CMIP: variants seen among roughly 807,000 people sequenced by gnomAD.
The protein encoded by CMIP is C-Maf-inducing protein.
In CMIP, 13 loss-of-function variants were observed where a neutral mutation model predicts 97.3. The observed-to-expected ratio is 0.13, with a 90% CI of 0.09 to 0.21. CMIP has a LOEUF of 0.21. Ranked by LOEUF, CMIP falls within the 10% of genes least tolerant of loss-of-function variation. The probability of loss-of-function intolerance (pLI) is 1.00; values close to 1 mark genes in which losing one functional copy is unlikely to be tolerated. For missense variants in CMIP, 847 were observed against 1,024.9 expected, an observed-to-expected ratio of 0.83 and a Z score of 2.37; for synonymous variants, 538 against 436.3, an observed-to-expected ratio of 1.23 and a Z score of -2.91.
At chr16:81,495,039 T>C (rs551233379) in intron 1 of CMIP, among the ~76,000 whole-genome samples, 23 of 152,238 alleles carry the variant, frequency 1.5e-4, no homozygotes, top group African/African-American at 5.1e-4. Context: ...AACCTTACAC[T>C]TGGGGACTGT....
Position 81,602,251 on chromosome 16 carries a change from A to G in CMIP, c.301-5316A>G, listed in dbSNP as rs181941179. Reference sequence around the variant, plus strand: ...GACATCTATGTGCGATAATGTGGGGAAAAAAAAGGCGTTACAAAATTCTTT... The same window carrying G: ...GACATCTATGTGCGATAATGTGGGGGAAAAAAAGGCGTTACAAAATTCTTT... On this transcript the variant is annotated intron_variant, in intron 1 of 20. Coordinates refer to ENST00000537098, the MANE Select transcript of CMIP (RefSeq NM_198390.3). Among the ~76,000 whole-genome samples the G allele has an allele frequency of 3.2e-3, 452 of 142,752 alleles. 1 individual carries two copies. The highest frequency in any genetic ancestry group is 0.013 in the African/African-American group (427 of 33,138). 93.7% of individuals were successfully genotyped at this position (142,752 alleles called of 152,430 possible). A position where few individuals can be genotyped will look rare whatever the true frequency, so the allele number is the denominator to read the frequency against.
At chr16:81,515,498 A>G (rs11861470) in intron 1 of CMIP, among the ~76,000 whole-genome samples, 30,119 of 152,042 alleles carry the variant, frequency 0.2, 3,669 homozygotes, top group Admixed American at 0.32. Flanking sequence ...TTGATTTACT[A>G]TTGAGTGCTT....
At chr16:81,603,219 A>G (rs2091686493) in intron 1 of CMIP, among the ~76,000 whole-genome samples, 1 of 152,090 alleles carries the variant, frequency 6.6e-6, no homozygotes, top group African/African-American at 2.4e-5. Context: ...AGCTGGGACT[A>G]CAGGCACCCG....
At chr16:81,601,292 A>C (rs2091653001) in intron 1 of CMIP, among the ~76,000 whole-genome samples, 1 of 152,144 alleles carries the variant, frequency 6.6e-6, no homozygotes, top group Middle Eastern at 3.2e-3. Context: ...ATTCACTTTG[A>C]GAGGAATCCC....
intron 3 of CMIP, chr16:81,630,911 T>G (rs1287606908): frequency 6.6e-6 from 1 of 152,124 alleles, no homozygotes; most frequent in African/African-American, 2.4e-5. Flanking sequence ...AGCTGGTGAG[T>G]CCAGCCTGGC....
chr16:81,644,745 C>A (rs1346569491), intron 3 of CMIP, among the ~76,000 whole-genome samples: 1 of 152,186 alleles, frequency 6.6e-6, no homozygotes, highest in African/African-American at 2.4e-5. Flanking sequence ...CAGCCATTGT[C>A]CCCGGGTGTG....
intron 1 of CMIP, among the ~76,000 whole-genome samples, chr16:81,546,538 T>G (rs967761020): frequency 1.3e-5 from 2 of 152,290 alleles, no homozygotes; most frequent in African/African-American, 4.8e-5. Flanking sequence ...TAACTAATAG[T>G]TACTGAGGGT....
chr16:81,687,379 C>T (rs1318840543), intron 10 of CMIP, among the ~76,000 whole-genome samples: 1 of 152,186 alleles, frequency 6.6e-6, no homozygotes, highest in Admixed American at 6.5e-5. Context: ...TTATGTGTCA[C>T]GGTTTTAAGC....
In CMIP at chr16:81,614,230, C is replaced by CT. The variant is rs2091876715; in HGVS notation, c.426+6539dup. Among the ~76,000 whole-genome samples, 1 of 152,198 alleles carries CT rather than the reference C, an allele frequency of 6.6e-6. No homozygotes were observed. The highest frequency in any genetic ancestry group is 2.4e-5 in the African/African-American group (1 of 41,440). ...GAGTACACGCTGCATGGAAGCCAGT[C>CT]TGAGAGCAGGGCAGGCCAGGTGCTG... On this transcript the variant is annotated intron_variant, in intron 2 of 20. Coordinates refer to ENST00000537098, the MANE Select transcript of CMIP (RefSeq NM_198390.3). This position sits in a 1 kb window ranked among gnomAD's most constrained non-coding sequence, Gnocchi z 5.3.
rs2092440737 is a variant in CMIP, at chr16:81,652,591, A to G, written c.639+227A>G. ...TGTCTGGGGATTGTAGGCACCGAAGAGGAGGTGTTGCCCCGTGCAGTGAGA... is the reference window on the plus strand; with the variant it reads ...TGTCTGGGGATTGTAGGCACCGAAGGGGAGGTGTTGCCCCGTGCAGTGAGA... On this transcript the variant is annotated intron_variant, in intron 4 of 20. Coordinates refer to ENST00000537098, the MANE Select transcript of CMIP (RefSeq NM_198390.3). This position sits in a 1 kb window ranked among gnomAD's most constrained non-coding sequence, Gnocchi z 5.2. 6.6e-6 allele frequency among the ~76,000 whole-genome samples: 1 copy of G among 152,132 alleles called. No individual in the cohort carries two copies. The highest frequency in any genetic ancestry group is 1.5e-5 in the Non-Finnish European group (1 of 68,022).
In CMIP at chr16:81,576,130, G is replaced by A. The variant is rs189305340; in HGVS notation, c.301-31437G>A. 3.9e-3 allele frequency among the ~76,000 whole-genome samples: 588 copies of A among 152,242 alleles called. 4 individuals carry two copies. The highest frequency in any genetic ancestry group is 6.8e-3 in the Non-Finnish European group (460 of 68,020). ...AAGCAAGAAAAGAATGCGTCTAGGC[G>A]CAGTGGCTCACTCCTGTAAACCCAG... On this transcript the variant is annotated intron_variant, in intron 1 of 20. Transcript: ENST00000537098.
At chr16:81,568,938 A>G (rs1271311964) in intron 1 of CMIP, among the ~76,000 whole-genome samples, 2 of 152,228 alleles carry the variant, frequency 1.3e-5, no homozygotes, top group African/African-American at 2.4e-5. Context: ...CAAGGGGAAA[A>G]GGTGCAAAGA....
chr16:81,547,973 G>A (rs2090580398), intron 1 of CMIP, among the ~76,000 whole-genome samples: 2 of 152,156 alleles, frequency 1.3e-5, no homozygotes, highest in Admixed American at 1.3e-4. Flanking sequence ...CTCCTCTGCA[G>A]CACGCCGGCA....
rs557744467 is a variant in CMIP at position 81,528,419 on chromosome 16, G to C, written c.301-79148G>C. Among the ~76,000 whole-genome samples the C allele has an allele frequency of 1.4e-3, 210 of 152,290 alleles. 1 individual carries two copies. The highest frequency in any genetic ancestry group is 2.0e-3 in the Non-Finnish European group (136 of 68,022). On this transcript the variant is annotated intron_variant, in intron 1 of 20. Transcript: ENST00000537098. Reference sequence around the variant, plus strand: ...GTAGCCAGAGACAGGGGCCCGGAGTGAGGTTGGGAGTACCTTGAAGCTGTG... The same window carrying C: ...GTAGCCAGAGACAGGGGCCCGGAGTCAGGTTGGGAGTACCTTGAAGCTGTG...
intron 1 of CMIP, among the ~76,000 whole-genome samples, chr16:81,511,879 C>A (rs2089817536): frequency 1.3e-5 from 2 of 152,124 alleles, no homozygotes; most frequent in Admixed American, 1.3e-4. Context: ...AGTTTTAGAC[C>A]TGTGCTGTCC....
At position 81,445,972 on chromosome 16, in the gene CMIP, A is replaced by C. The variant is rs146619240; in HGVS notation, c.300+431A>C. On this transcript the variant is annotated intron_variant, in intron 1 of 20. Coordinates refer to ENST00000537098, the MANE Select transcript of CMIP (RefSeq NM_198390.3). Reference sequence around the variant, plus strand: ...ATACCACCCCTCAGATTTAAAAAAAAAAACAAACAACACAACAAAACCTCC... The same window carrying C: ...ATACCACCCCTCAGATTTAAAAAAACAAACAAACAACACAACAAAACCTCC... 8.2e-3 allele frequency among the ~76,000 whole-genome samples: 1,245 copies of C among 152,000 alleles called. 18 individuals are homozygous for C. Among genetic ancestry groups the C allele is most frequent in the African/African-American group, 0.028 (1,161 of 41,464 alleles).
At chr16:81,592,415 C>T (rs544938826) in intron 1 of CMIP, among the ~76,000 whole-genome samples, 9 of 152,314 alleles carry the variant, frequency 5.9e-5, no homozygotes, top group African/African-American at 1.7e-4. Flanking sequence ...CCCCTCCTTA[C>T]CTTGACAGCC....
chr16:81,534,165 A>G (rs1446827524), intron 1 of CMIP, among the ~76,000 whole-genome samples: 1 of 152,160 alleles, frequency 6.6e-6, no homozygotes, highest in African/African-American at 2.4e-5. Flanking sequence ...ACTTTCAGGA[A>G]TGCACCCTTT....
At chr16:81,548,116 C>T (rs1057125165) in intron 1 of CMIP, among the ~76,000 whole-genome samples, 1 of 148,898 alleles carries the variant, frequency 6.7e-6, no homozygotes, top group Non-Finnish European at 1.5e-5. Flanking sequence ...CTACTGACAT[C>T]TAAGGATGGA....
Sources: allele counts gnomAD v4.1 joint callset (sites outside exome capture counted in the v4.1 genomes callset), GRCh38; gene constraint gnomAD v4.1.1; non-coding constraint Gnocchi (gnomAD v3.1); transcripts MANE v1.5; gene names NCBI Gene and HGNC (gene_info 2026-07-23, HGNC 2026-07-21).